ADAMTS14: variants seen among roughly 807,000 people sequenced by gnomAD.
ADAMTS14 encodes A disintegrin and metalloproteinase with thrombospondin motifs 14.
Under a neutral mutation model 128.6 loss-of-function variants are expected in ADAMTS14, and 100 were observed. That is an observed-to-expected ratio of 0.78 (90% CI 0.66 to 0.92). ADAMTS14 has a LOEUF of 0.92. ADAMTS14 is among the 40% of genes least tolerant of loss of function. ADAMTS14 has a pLI of 0.00. For synonymous variants in ADAMTS14, 665 were observed against 653.8 expected (o/e 1.02, Z -0.26); for missense variants, 1,562 against 1,658.6 (o/e 0.94, Z 1.01).
chr10:70,733,900 T>C lies in ADAMTS14; in HGVS notation c.1224T>C (p.His408=). ...HETGHVLGME[H]DGQGNGCADE... ...CCCATTCCAGGCTCGGCATGGAGCA[T>C]GACGGTCAGGGGAATGGCTGTGCAG... The change falls in exon 8 of 22, where the codon CAT becomes CAC. Residue 408 remains histidine (H), a synonymous_variant. Coordinates refer to ENST00000373207, the MANE Select transcript of ADAMTS14 (RefSeq NM_080722.4). 6.2e-7 allele frequency: 1 copy of C among 1,613,572 alleles called. No individual in the cohort carries two copies. The highest frequency in any genetic ancestry group is 1.1e-5 in the South Asian group (1 of 91,046).
intron 6 of ADAMTS14, among the ~76,000 whole-genome samples, chr10:70,731,094 A>T (rs2132673234): frequency 6.6e-6 from 1 of 151,886 alleles, no homozygotes; most frequent in East Asian, 1.9e-4. Flanking sequence ...ACACACACGT[A>T]CAGACATCCA....
intron 3 of ADAMTS14, among the ~76,000 whole-genome samples, chr10:70,703,193 G>A (rs576508221): frequency 6.6e-6 from 1 of 152,216 alleles, no homozygotes; most frequent in East Asian, 1.9e-4. Flanking sequence ...CAGGCGACCA[G>A]TGCAGGAGGC....
At chr10:70,748,725 AGTT>A (rs1564556390) in intron 15 of ADAMTS14, among the ~76,000 whole-genome samples, 1 of 81,060 alleles carries the variant, frequency 1.2e-5, no homozygotes, top group Non-Finnish European at 2.7e-5. Flanking sequence ...ACTGGCACAT[AGTT>A]AGTGTTCTCG....
At position 70,749,937 on chromosome 10, in the gene ADAMTS14, G is replaced by C. The variant is rs765351023; in HGVS notation, c.2379G>C (p.Lys793Asn). 1 of 1,614,134 alleles carries C rather than the reference G, an allele frequency of 6.2e-7. No homozygotes were observed. Among genetic ancestry groups the C allele is most frequent in the Non-Finnish European group, 8.5e-7 (1 of 1,180,008 alleles). The change falls in exon 16 of 22, where the codon AAG becomes AAC. Residue 793 changes from lysine (K) to asparagine (N), a missense_variant. By Grantham distance (94) the Lys-to-Asn change is moderately conservative (BLOSUM62 0). Transcript: ENST00000373207. ...LEWEDAVEDA[K>N]ESLKTSGPLP... ...GGGAGGATGCGGTGGAGGATGCCAAGGAAAGCCTCAAGACCAGCGGGCCCC... is the reference window on the plus strand; with the variant it reads ...GGGAGGATGCGGTGGAGGATGCCAACGAAAGCCTCAAGACCAGCGGGCCCC...
intron 2 of ADAMTS14, among the ~76,000 whole-genome samples, chr10:70,686,850 C>A (rs1839975339): frequency 1.3e-5 from 1 of 77,940 alleles, no homozygotes; most frequent in Non-Finnish European, 2.8e-5. Flanking sequence ...CCTCACCTCC[C>A]GGACGGGGCG....
At chr10:70,701,287 T>C (rs1840485003) in intron 2 of ADAMTS14, among the ~76,000 whole-genome samples, 1 of 152,250 alleles carries the variant, frequency 6.6e-6, no homozygotes, top group African/African-American at 2.4e-5. Context: ...GTCTAGTGAA[T>C]TTATAAAAAC....
rs545420510 is a variant in ADAMTS14, at chr10:70,753,970, C to T, written c.2900C>T (p.Pro967Leu). 5.1e-6 allele frequency: 8 copies of T among 1,579,792 alleles called. No homozygotes were observed. The East Asian group carries it at 6.9e-5, about 14-fold the overall frequency. ...PEARRPCLRV[P>L]CPAQWRLGAW... ...GCCCGACGGCCCTGTCTCCGAGTGCCCTGCCCAGCCCAGTGGAGGCTGGGA... is the reference window on the plus strand; with the variant it reads ...GCCCGACGGCCCTGTCTCCGAGTGCTCTGCCCAGCCCAGTGGAGGCTGGGA... Residue 967 changes from proline to leucine, a missense_variant, in exon 19 of 22, where the codon CCC becomes CTC. Transcript: ENST00000373207.
intron 9 of ADAMTS14, among the ~76,000 whole-genome samples, chr10:70,736,202 T>A (rs553920115): frequency 6.6e-6 from 1 of 152,272 alleles, no homozygotes; most frequent in African/African-American, 2.4e-5. Context: ...CGTAAGGTCA[T>A]CAACCTCTGG....
chr10:70,702,688 C>T (rs1840534910), intron 3 of ADAMTS14, among the ~76,000 whole-genome samples: 1 of 152,172 alleles, frequency 6.6e-6, no homozygotes, highest in South Asian at 2.1e-4. Context: ...CACTTGTGTC[C>T]TGAACTGTGG....
intron 21 of ADAMTS14, 22 bp downstream of exon 21, chr10:70,758,307 T>C: frequency 7.5e-6 from 12 of 1,603,876 alleles, no homozygotes; most frequent in Non-Finnish European, 1.0e-5. Flanking sequence ...CTATGGACCC[T>C]ACCCTGCTCC....
At chr10:70,746,107 G>T (rs1199858220) in intron 15 of ADAMTS14, among the ~76,000 whole-genome samples, 1 of 152,120 alleles carries the variant, frequency 6.6e-6, no homozygotes, top group South Asian at 2.1e-4. Context: ...AGGAATAGGA[G>T]GAATGTAGAG....
intron 2 of ADAMTS14, among the ~76,000 whole-genome samples, chr10:70,694,499 G>A (rs1840277188): frequency 6.6e-6 from 1 of 152,176 alleles, no homozygotes; most frequent in African/African-American, 2.4e-5. Flanking sequence ...CTAAAAAAGA[G>A]ACTATGTGGC....
intron 1 of ADAMTS14, 59 bp downstream of exon 1, chr10:70,672,943 G>A (rs2132517267): frequency 8.7e-6 from 12 of 1,381,590 alleles, no homozygotes; most frequent in East Asian, 3.0e-5. Context: ...CGGTCAGGGT[G>A]GCCCAAGGTT....
At chr10:70,753,698 C>T in intron 18 of ADAMTS14, 102 bp from the exon 19 acceptor site, 1 of 1,281,740 alleles carries the variant, frequency 7.8e-7, no homozygotes, top group Non-Finnish European at 1.1e-6. Flanking sequence ...AAACCCAAAC[C>T]CACTCTCTGG....
At chr10:70,722,976 C>T (rs894988676) in intron 4 of ADAMTS14, among the ~76,000 whole-genome samples, 1 of 152,162 alleles carries the variant, frequency 6.6e-6, no homozygotes, top group African/African-American at 2.4e-5. Context: ...GTATGGAAAT[C>T]AGGGAGCAGA....
rs764159665 is a variant in ADAMTS14, at chr10:70,753,905, G to T, written c.2835G>T (p.Lys945Asn). 6.3e-7 allele frequency: 1 copy of T among 1,591,658 alleles called. No homozygotes were observed. The highest frequency in any genetic ancestry group is 8.5e-7 in the Non-Finnish European group (1 of 1,170,080). The change falls in exon 19 of 22, where the codon AAG becomes AAT. Residue 945 changes from lysine (K) to asparagine (N), a missense_variant. Transcript: ENST00000373207. ...CLLPLSNGTH[K>N]VMPAKACAGD... ...TGCCCCTCTCCAATGGAACCCACAA[G>T]GTCATGCCGGCCAAAGCCTGCGCCG... is the stretch of plus-strand genomic sequence containing the variant.
intron 15 of ADAMTS14, among the ~76,000 whole-genome samples, chr10:70,745,735 G>A (rs1589331058): frequency 6.6e-6 from 1 of 152,324 alleles, no homozygotes; most frequent in South Asian, 2.1e-4. Flanking sequence ...TGGGTCATCA[G>A]TTTGGGCTGG....
rs1842581953 is a variant in ADAMTS14 at position 70,760,488 on chromosome 10, G to A, written c.3307G>A (p.Gly1103Ser). 1 of 1,613,862 alleles carries A rather than the reference G, an allele frequency of 6.2e-7. No individual in the cohort carries two copies. Among genetic ancestry groups the A allele is most frequent in the African/African-American group, 1.3e-5 (1 of 75,008 alleles). ...CAAGAAGGCCTCGGGCCCCAACCCT[G>A]GCCCAGACCCTGGCCCAACCTCACT... ...CIKKASGPNP[G>S]PDPGPTSLPP... The change falls in exon 22 of 22, where the codon GGC (glycine) becomes AGC (serine). Residue 1103 changes from glycine (G) to serine (S), a missense_variant. By Grantham distance (56) the Gly-to-Ser change is moderately conservative. Coordinates refer to ENST00000373207, the MANE Select transcript of ADAMTS14 (RefSeq NM_080722.4).
At chr10:70,677,915 A>G (rs188572034) in intron 2 of ADAMTS14, among the ~76,000 whole-genome samples, 10 of 152,336 alleles carry the variant, frequency 6.6e-5, no homozygotes, top group Non-Finnish European at 1.3e-4. Context: ...GCATCTTTAC[A>G]TGGTCTCTGG....
Sources: gnomAD v4.1 joint callset for allele counts (sites outside exome capture counted in the v4.1 genomes callset) on GRCh38, gnomAD v4.1.1 for gene constraint, MANE v1.5 for transcripts, NCBI Gene and HGNC (gene_info 2026-07-23, HGNC 2026-07-21) for gene names.